Variants in OTUD7A observed in about 807,000 individuals in gnomAD.
OTUD7A encodes OTU domain-containing protein 7A.
Under a neutral mutation model 65.7 loss-of-function variants are expected in OTUD7A, and 12 were observed. The ratio of observed to expected loss-of-function variants is 0.18; its 90% CI spans 0.12 to 0.30. OTUD7A has a LOEUF of 0.30. OTUD7A is among the 10% of genes least tolerant of loss of function. The pLI, the probability that OTUD7A is intolerant of heterozygous loss-of-function variation, is 1.00. For missense variants in OTUD7A, 1,148 were observed against 1,304.8 expected (o/e 0.88, Z 1.85); for synonymous variants, 641 against 586.3 (o/e 1.09, Z -1.35).
intron 3 of OTUD7A, among the ~76,000 whole-genome samples, chr15:31,628,705 T>C (rs1292941787): frequency 2.0e-5 from 3 of 152,182 alleles, no homozygotes; most frequent in African/African-American, 4.8e-5. Context: ...TTTCACGATA[T>C]TGATTCTTCC....
chr15:31,763,573 C>T (rs1895027577), intron 1 of OTUD7A, among the ~76,000 whole-genome samples: 1 of 152,050 alleles, frequency 6.6e-6, no homozygotes, highest in Admixed American at 6.6e-5. Flanking sequence ...ACATTTGTGT[C>T]ACCAAAGTCC....
intron 1 of OTUD7A, among the ~76,000 whole-genome samples, chr15:31,870,194 GCC>G (rs1213388823): frequency 3.3e-5 from 5 of 149,648 alleles, no homozygotes; most frequent in Admixed American, 6.6e-5. Flanking sequence ...GGAGGCAGCA[GCC>G]CCGACCCAGC....
At chr15:31,504,645 G>A (rs1161441600) in intron 8 of OTUD7A, among the ~76,000 whole-genome samples, 1 of 152,102 alleles carries the variant, frequency 6.6e-6, no homozygotes, top group East Asian at 1.9e-4. Context: ...CCCAGAGGTG[G>A]CTCTCAGACT....
chr15:31,686,782 C>A (rs1379256351), intron 1 of OTUD7A, among the ~76,000 whole-genome samples: 2 of 152,178 alleles, frequency 1.3e-5, no homozygotes, highest in African/African-American at 2.4e-5. Flanking sequence ...CTCAGCCCGA[C>A]AAGAAGCCAA....
intron 1 of OTUD7A, among the ~76,000 whole-genome samples, chr15:31,809,992 A>C (rs1261089427): frequency 6.6e-6 from 1 of 152,256 alleles, no homozygotes; most frequent in Non-Finnish European, 1.5e-5. Flanking sequence ...TTCAGAGATA[A>C]GAAAACACAC....
chr15:31,851,345 T>C (rs1415739982), intron 1 of OTUD7A, among the ~76,000 whole-genome samples: 1 of 152,180 alleles, frequency 6.6e-6, no homozygotes, highest in African/African-American at 2.4e-5. Context: ...AATAAATGAC[T>C]AATTGGAGAT....
chr15:31,550,759 T>C (rs1888295557), intron 5 of OTUD7A, among the ~76,000 whole-genome samples: 1 of 152,184 alleles, frequency 6.6e-6, no homozygotes, highest in South Asian at 2.1e-4. Flanking sequence ...TAGAAATGCA[T>C]ACAGCGTCCT....
chr15:31,714,470 T>C (rs201052004), intron 1 of OTUD7A, among the ~76,000 whole-genome samples: 2 of 152,260 alleles, frequency 1.3e-5, no homozygotes, highest in East Asian at 3.9e-4. Context: ...CTGCATCTCA[T>C]GTTCTAGTTT....
chr15:31,517,605 GC>G (rs1164623966), intron 8 of OTUD7A, among the ~76,000 whole-genome samples: 1 of 152,166 alleles, frequency 6.6e-6, no homozygotes. Flanking sequence ...TTCCTAACAT[GC>G]TTTGGGCCCC....
chr15:31,808,192 A>G (rs964064150), intron 1 of OTUD7A, among the ~76,000 whole-genome samples: 3 of 152,088 alleles, frequency 2.0e-5, no homozygotes, highest in South Asian at 2.1e-4. Context: ...ACACAACTCA[A>G]GAATTGACAC....
intron 8 of OTUD7A, among the ~76,000 whole-genome samples, chr15:31,526,045 A>G (rs1221812768): frequency 6.6e-6 from 1 of 152,192 alleles, no homozygotes; most frequent in African/African-American, 2.4e-5. Flanking sequence ...CGCACACCCC[A>G]ACTGTTGTGC....
chr15:31,827,464 G>T (rs1419139426), intron 1 of OTUD7A, among the ~76,000 whole-genome samples: 2 of 152,214 alleles, frequency 1.3e-5, no homozygotes, highest in Admixed American at 1.3e-4. Context: ...TGGGAATTAT[G>T]GGAGTATGAT....
chr15:31,483,838 CCCGGGGAGGCCGTGCCGCCCG>C lies in OTUD7A; in HGVS notation c.2237_2257del (p.Ala746_Pro752del), dbSNP rs1175868997. On this transcript the variant is annotated inframe_deletion, in exon 13 of 13. Transcript: ENST00000307050. ...GGCGCTCGCACGCCGCGCGCCTCCC[CCCGGGGAGGCCGTGCCGCCCG>C]CCGCCGCCCGCGCCGCACGCCCTGC... 6.1e-6 allele frequency: 6 copies of C among 984,294 alleles called. No homozygotes were observed. The highest frequency in any genetic ancestry group is 1.8e-5 in the African/African-American group (1 of 56,094). 61.0% of individuals were successfully genotyped at this position (984,294 alleles called of 1,614,324 possible).
intron 3 of OTUD7A, among the ~76,000 whole-genome samples, chr15:31,599,465 C>T (rs1890010037): frequency 6.6e-6 from 1 of 152,118 alleles, no homozygotes; most frequent in Non-Finnish European, 1.5e-5. Context: ...AGCACATTCA[C>T]TCAGAGATCC....
At chr15:31,506,964 G>C (rs1333814962) in intron 8 of OTUD7A, among the ~76,000 whole-genome samples, 1 of 152,208 alleles carries the variant, frequency 6.6e-6, no homozygotes, top group Non-Finnish European at 1.5e-5. Context: ...GGAGTACCAT[G>C]TGTACAAATG....
chr15:31,776,609 C>T (rs1895388015), intron 1 of OTUD7A, among the ~76,000 whole-genome samples: 2 of 152,220 alleles, frequency 1.3e-5, no homozygotes, highest in Admixed American at 1.3e-4. Context: ...CCTTCCTCTA[C>T]TAAAGCTACA....
intron 3 of OTUD7A, among the ~76,000 whole-genome samples, chr15:31,638,137 T>C (rs993346517): frequency 2.6e-5 from 4 of 152,166 alleles, no homozygotes; most frequent in South Asian, 2.1e-4. Flanking sequence ...AACTTCACGA[T>C]TGTCTTATTT....
rs758110176 is a variant in OTUD7A at position 31,478,295 on chromosome 15, T to C, written c.*4999A>G. ...GGTCTTGAATAAATTCAGCCTATATTTACTCTTAAAACCAAATGGTACTCT... is the reference window on the plus strand; with the variant it reads ...GGTCTTGAATAAATTCAGCCTATATCTACTCTTAAAACCAAATGGTACTCT... On this transcript the variant is annotated 3_prime_UTR_variant, in exon 13 of 13. Coordinates refer to ENST00000307050, the MANE Select transcript of OTUD7A (RefSeq NM_001382637.1). 5.3e-5 allele frequency: 8 copies of C among 152,176 alleles called. No homozygotes were observed. Among genetic ancestry groups the C allele is most frequent in the Admixed American group, 2.0e-4 (3 of 15,274 alleles). 9.4% of individuals were successfully genotyped at this position (152,176 alleles called of 1,614,324 possible).
intron 5 of OTUD7A, among the ~76,000 whole-genome samples, chr15:31,545,462 G>A (rs1888101752): frequency 6.6e-6 from 1 of 152,172 alleles, no homozygotes; most frequent in Non-Finnish European, 1.5e-5. Context: ...GTATCAGTCA[G>A]TGAGTGAAAA....
Sources: gnomAD v4.1 joint callset for allele counts (sites outside exome capture counted in the v4.1 genomes callset) on GRCh38, gnomAD v4.1.1 for gene constraint, MANE v1.5 for transcripts, NCBI Gene and HGNC (gene_info 2026-07-23, HGNC 2026-07-21) for gene names.